The following EXOC8 variants were observed in gnomAD, a reference collection of about 807,000 sequenced individuals.
EXOC8 encodes exocyst complex component 8.
A neutral mutation model predicts 50.8 loss-of-function variants in EXOC8; 19 were observed. That is an observed-to-expected ratio of 0.37 (90% CI 0.26 to 0.55). EXOC8 has a LOEUF of 0.55. EXOC8 is among the 20% of genes least tolerant of loss of function. The pLI is 0.80. For missense variants in EXOC8, 781 were observed against 915.8 expected (o/e 0.85, Z 1.90); for synonymous variants, 384 against 367.9 (o/e 1.04, Z -0.50).
At position 231,337,140 on chromosome 1, in the gene EXOC8, C is replaced by T. The variant is rs2102855876; in HGVS notation, c.606G>A (p.Arg202=). The T allele has an allele frequency of 6.2e-7, 1 of 1,614,140 alleles. No homozygotes were observed. The highest frequency in any genetic ancestry group is 1.1e-5 in the South Asian group (1 of 91,086). ...AATCGTTCATGAGAAAGCCGTGCAC[C>T]CGCTGCAGTTGGGCCATGTGGTCCG... ...YDADHMAQLQ[R]VHGFLMNDCL... The change falls in exon 1 of 1, where the codon CGG becomes CGA. Residue 202 remains arginine, a synonymous_variant. Transcript: ENST00000366645. This position sits in a 1 kb window ranked among gnomAD's most constrained non-coding sequence, Gnocchi z 5.9.
Position 231,334,105 on chromosome 1 carries a change from C to T in EXOC8, c.*1463G>A, listed in dbSNP as rs1164018721. The T allele has an allele frequency of 6.6e-6, 1 of 152,102 alleles. No individual in the cohort carries two copies. Among genetic ancestry groups the T allele is most frequent in the Non-Finnish European group, 1.5e-5 (1 of 68,010 alleles). The allele number at this position is 152,102 out of a possible 1,614,324, so 9.4% of individuals were successfully genotyped here. A position where few individuals can be genotyped will look rare whatever the true frequency, so the allele number is the denominator to read the frequency against. ...ACATTTCTTTAGTTATTTTGTTTTA[C>T]TAAACAATTTGAAGTAAGCATTATA... On this transcript the variant is annotated 3_prime_UTR_variant, in exon 1 of 1. Coordinates refer to ENST00000366645, the MANE Select transcript of EXOC8 (RefSeq NM_175876.5).
At position 231,336,073 on chromosome 1, in the gene EXOC8, T is replaced by G. The variant is rs1686666842; in HGVS notation, c.1673A>C (p.Tyr558Ser). The G allele has an allele frequency of 1.9e-6, 3 of 1,614,242 alleles. No homozygotes were observed. The highest frequency in any genetic ancestry group is 2.5e-6 in the Non-Finnish European group (3 of 1,180,048). The change falls in exon 1 of 1, where the codon TAC becomes TCC. Residue 558 changes from tyrosine to serine, a missense_variant. Physicochemically the swap from Tyr to Ser is moderately radical, Grantham distance 144 (BLOSUM62 -2). Coordinates refer to ENST00000366645, the MANE Select transcript of EXOC8 (RefSeq NM_175876.5). This position sits in a 1 kb window ranked among gnomAD's most constrained non-coding sequence, Gnocchi z 5.4. ...VKDIQGALHS[Y>S]KEIIIEATKH... ...AGTGGCTTCAATGATGATTTCTTTG[T>G]AACTGTGCAAGGCCCCTTGGATGTC... is the stretch of plus-strand genomic sequence containing the variant.
rs1686628412 is a variant in EXOC8 at position 231,334,791 on chromosome 1, CAAGA to C, written c.*773_*776del. On this transcript the variant is annotated 3_prime_UTR_variant, in exon 1 of 1. Transcript: ENST00000366645. The stretch of plus-strand genomic sequence containing the variant: ...TCTGAATCCACAAACCAGCTAGTTT[CAAGA>C]AAGAATTCTTTTGACTAAAACTTAC... 1 of 152,182 alleles carries C rather than the reference CAAGA, an allele frequency of 6.6e-6. No homozygotes were observed. The highest frequency in any genetic ancestry group is 2.4e-5 in the African/African-American group (1 of 41,456). 9.4% of individuals were successfully genotyped at this position (152,182 alleles called of 1,614,324 possible).
In EXOC8 at chr1:231,337,849, G is replaced by A; in HGVS notation, c.-104C>T. The A allele has an allele frequency of 7.0e-7, 1 of 1,421,436 alleles. No individual in the cohort carries two copies. Among genetic ancestry groups the A allele is most frequent in the Non-Finnish European group, 9.4e-7 (1 of 1,058,660 alleles). The allele number at this position is 1,421,436 out of a possible 1,614,324, so 88.1% of individuals were successfully genotyped here. A position where few individuals can be genotyped will look rare whatever the true frequency, so the allele number is the denominator to read the frequency against. Reference sequence around the variant, plus strand: ...CCGAGCTCCTGGGCTGAGGAAGCAGGAATGGGAACGAGACGAGTACGCCTG... The same window carrying A: ...CCGAGCTCCTGGGCTGAGGAAGCAGAAATGGGAACGAGACGAGTACGCCTG... On this transcript the variant is annotated 5_prime_UTR_variant, in exon 1 of 1. Coordinates refer to ENST00000366645, the MANE Select transcript of EXOC8 (RefSeq NM_175876.5). The surrounding 1 kb of genome is among the most constrained non-coding windows in gnomAD (Gnocchi z 5.9).
At position 231,336,590 on chromosome 1, in the gene EXOC8, G is replaced by C. The variant is rs1558357694; in HGVS notation, c.1156C>G (p.Arg386Gly). The change falls in exon 1 of 1, where the codon CGA (arginine) becomes GGA (glycine). Residue 386 changes from arginine (R) to glycine (G), a missense_variant. Arg to Gly is a moderately radical substitution (Grantham distance 125). Around this residue, in one of 3 missense-constraint regions of EXOC8, gnomAD observed 700 missense variants for 804.1 expected, o/e 0.87. Transcript: ENST00000366645. This position sits in a 1 kb window ranked among gnomAD's most constrained non-coding sequence, Gnocchi z 5.4. ...AGCACCTCAGTGAGCTGTCGAACTC[G>C]CTCCTCCACTTTGGCCCTTAGTTCT... ...VKELRAKVEERVRQLTEVLVF... is the reference protein window; with the variant it reads ...VKELRAKVEEGVRQLTEVLVF... 6.2e-7 allele frequency: 1 copy of C among 1,614,130 alleles called. No individual in the cohort carries two copies. The highest frequency in any genetic ancestry group is 2.2e-5 in the East Asian group (1 of 44,890).
rs187751826 is a variant in EXOC8 at position 231,335,400 on chromosome 1, C to G, written c.*168G>C. On this transcript the variant is annotated 3_prime_UTR_variant, in exon 1 of 1. Transcript: ENST00000366645. Reference sequence around the variant, plus strand: ...AATTCCAGTATTTTTGTTACTTGGGCTTAATTTAACTTATTTTCCTCTTTT... The same window carrying G: ...AATTCCAGTATTTTTGTTACTTGGGGTTAATTTAACTTATTTTCCTCTTTT... 9.7e-3 allele frequency: 5,385 copies of G among 557,082 alleles called. 36 individuals carry two copies. Among genetic ancestry groups the G allele is most frequent in the Non-Finnish European group, 0.013 (4,765 of 365,450 alleles). The allele number at this position is 557,082 out of a possible 1,614,324, so 34.5% of individuals were successfully genotyped here. A position where few individuals can be genotyped will look rare whatever the true frequency, so the allele number is the denominator to read the frequency against.
In EXOC8 at chr1:231,333,175, T is replaced by C. The variant is rs1283823689; in HGVS notation, c.*2393A>G. 1.2e-4 allele frequency: 19 copies of C among 152,218 alleles called. No individual in the cohort carries two copies. The highest frequency in any genetic ancestry group is 1.2e-3 in the Admixed American group (19 of 15,272). 9.4% of individuals were successfully genotyped at this position (152,218 alleles called of 1,614,324 possible). On this transcript the variant is annotated 3_prime_UTR_variant, in exon 1 of 1. Coordinates refer to ENST00000366645, the MANE Select transcript of EXOC8 (RefSeq NM_175876.5). ...CTGGACAATCTCTCATTGCATTCAATTTTTAGAACTTGTCTTGGGTCTAAT... is the reference window on the plus strand; with the variant it reads ...CTGGACAATCTCTCATTGCATTCAACTTTTAGAACTTGTCTTGGGTCTAAT...
In EXOC8 at chr1:231,336,417, A is replaced by G. The variant is rs779083799; in HGVS notation, c.1329T>C (p.Ile443=). 1.2e-6 allele frequency: 2 copies of G among 1,614,064 alleles called. No homozygotes were observed. The highest frequency in any genetic ancestry group is 2.2e-5 in the South Asian group (2 of 91,086). Residue 443 remains isoleucine, a synonymous_variant, in exon 1 of 1, where the codon ATT becomes ATC. Transcript: ENST00000366645. The surrounding 1 kb of genome is among the most constrained non-coding windows in gnomAD (Gnocchi z 5.4). The part of the protein sequence containing the change: ...RNRAAAVHTA[I]RQLRIEGATL... ...TGGCACCTTCGATGCGAAGCTGACG[A>G]ATTGCAGTATGAACAGCGGCTGCCC...
In EXOC8 at chr1:231,337,304, G is replaced by A. The variant is rs748326509; in HGVS notation, c.442C>T (p.Arg148Cys). The A allele has an allele frequency of 1.2e-5, 19 of 1,603,792 alleles. No individual in the cohort carries two copies. In the Admixed American group the frequency reaches 1.5e-4, roughly 13 times the overall value. The stretch of plus-strand genomic sequence containing the variant: ...TCCTCGCCTGGACCGGAGCCGTCGC[G>A]GGAGGCACCCCCGGGGGTGGAGAAA... ...GFFSTPGGAS[R>C]DGSGPGEEGK... The change falls in exon 1 of 1, where the codon CGC (arginine) becomes TGC (cysteine). Residue 148 changes from arginine (R) to cysteine (C), a missense_variant. Arg to Cys is a radical substitution (Grantham distance 180). Coordinates refer to ENST00000366645, the MANE Select transcript of EXOC8 (RefSeq NM_175876.5). The surrounding 1 kb of genome is among the most constrained non-coding windows in gnomAD (Gnocchi z 5.9).
In EXOC8 at chr1:231,336,870, C is replaced by T; in HGVS notation, c.876G>A (p.Gln292=). The T allele has an allele frequency of 6.2e-7, 1 of 1,614,174 alleles. No homozygotes were observed. Among genetic ancestry groups the T allele is most frequent in the African/African-American group, 1.3e-5 (1 of 75,042 alleles). The change falls in exon 1 of 1, where the codon CAG becomes CAA. Residue 292 remains glutamine, a synonymous_variant. Transcript: ENST00000366645. This position sits in a 1 kb window ranked among gnomAD's most constrained non-coding sequence, Gnocchi z 5.4. ...RALSEKRRRE[Q]EEAAAPRGPP... Reference sequence around the variant, plus strand: ...GCCCTCGAGGGGCCGCTGCCTCCTCCTGCTCCCTTCGCCTTTTCTCACTGA... The same window carrying T: ...GCCCTCGAGGGGCCGCTGCCTCCTCTTGCTCCCTTCGCCTTTTCTCACTGA...
Position 231,337,167 on chromosome 1 carries a change from A to C in EXOC8, c.579T>G (p.Asp193Glu). The C allele has an allele frequency of 1.9e-6, 3 of 1,614,140 alleles. No individual in the cohort carries two copies. Among genetic ancestry groups the C allele is most frequent in the East Asian group, 2.2e-5 (1 of 44,876 alleles). The part of the protein sequence containing the change: ...LVYNGDLVEY[D>E]ADHMAQLQRV... ...GCTGCAGTTGGGCCATGTGGTCCGC[A>C]TCGTATTCCACTAGGTCCCCATTGT... Residue 193 changes from aspartate to glutamate, a missense_variant, in exon 1 of 1, where the codon GAT becomes GAG. Around this residue, in one of 3 missense-constraint regions of EXOC8, gnomAD observed 700 missense variants for 804.1 expected, o/e 0.87. Transcript: ENST00000366645. This position sits in a 1 kb window ranked among gnomAD's most constrained non-coding sequence, Gnocchi z 5.9.
rs1392999402 is a variant in EXOC8, at chr1:231,335,924, C to T, written c.1822G>A (p.Asp608Asn). The change falls in exon 1 of 1, where the codon GAC (aspartate) becomes AAC (asparagine). Residue 608 changes from aspartate (D) to asparagine (N), a missense_variant. By Grantham distance (23) the Asp-to-Asn change is conservative (BLOSUM62 1). Around this residue, in one of 3 missense-constraint regions of EXOC8, gnomAD observed 700 missense variants for 804.1 expected, o/e 0.87. Transcript: ENST00000366645. ...VSNFEQYTGD[D>N]CWVNLSYTVV... ...GTGTAACTTAGGTTCACCCAGCAGT[C>T]ATCCCCTGTGTACTGCTCAAAGTTA... The T allele has an allele frequency of 1.2e-6, 2 of 1,614,094 alleles. No homozygotes were observed. The highest frequency in any genetic ancestry group is 1.7e-6 in the Non-Finnish European group (2 of 1,180,044).
Position 231,337,764 on chromosome 1 carries a change from C to A in EXOC8, c.-19G>T. 1 of 1,564,462 alleles carries A rather than the reference C, an allele frequency of 6.4e-7. No homozygotes were observed. The highest frequency in any genetic ancestry group is 8.6e-7 in the Non-Finnish European group (1 of 1,156,770). On this transcript the variant is annotated 5_prime_UTR_variant, in exon 1 of 1. Transcript: ENST00000366645. The surrounding 1 kb of genome is among the most constrained non-coding windows in gnomAD (Gnocchi z 5.9). ...TCGCCATTTCTCTCCGGGTCTCACG[C>A]ACTCACTGTCACTATCGGCGCCGCA...
rs372243904 is a variant in EXOC8 at position 231,335,856 on chromosome 1, C to T, written c.1890G>A (p.Glu630=). 14 of 1,614,162 alleles carry T rather than the reference C, an allele frequency of 8.7e-6. No homozygotes were observed. Among genetic ancestry groups the T allele is most frequent in the Non-Finnish European group, 1.1e-5 (13 of 1,180,034 alleles). The change falls in exon 1 of 1, where the codon GAG becomes GAA. Residue 630 remains glutamate, a synonymous_variant. Coordinates refer to ENST00000366645, the MANE Select transcript of EXOC8 (RefSeq NM_175876.5). ...GCTCTGGGAAATACAGCTTCAGGGC[C>T]TCTTCCAAGAAGCCCATGGTCTGTT... ...FTKQTMGFLE[E]ALKLYFPELH... is the part of the protein sequence containing the mutation.
chr1:231,335,507 AAATATAAATAATAT>A lies in EXOC8; in HGVS notation c.*47_*60del. On this transcript the variant is annotated 3_prime_UTR_variant, in exon 1 of 1. Coordinates refer to ENST00000366645, the MANE Select transcript of EXOC8 (RefSeq NM_175876.5). ...AGAGTATGCTAATACAACTTAATAT[AAATATAAATAATAT>A]ATAAGCTCTCTCTCTGCATATATAC... The A allele has an allele frequency of 7.5e-7, 1 of 1,325,394 alleles. No homozygotes were observed. Among genetic ancestry groups the A allele is most frequent in the Non-Finnish European group, 9.8e-7 (1 of 1,023,944 alleles). 82.1% of individuals were successfully genotyped at this position (1,325,394 alleles called of 1,614,324 possible).
rs1277186162 is a variant in EXOC8 at position 231,333,394 on chromosome 1, G to A, written c.*2174C>T. ...ACAGATTTTACCTGAAGAAAATCCTGTACTTCCAGTTTTAAAAAGCAGACA... is the reference window on the plus strand; with the variant it reads ...ACAGATTTTACCTGAAGAAAATCCTATACTTCCAGTTTTAAAAAGCAGACA... On this transcript the variant is annotated 3_prime_UTR_variant, in exon 1 of 1. Coordinates refer to ENST00000366645, the MANE Select transcript of EXOC8 (RefSeq NM_175876.5). 6.6e-6 allele frequency: 1 copy of A among 152,300 alleles called. No individual in the cohort carries two copies. The highest frequency in any genetic ancestry group is 1.9e-4 in the East Asian group (1 of 5,198). The allele number at this position is 152,300 out of a possible 1,614,324, so 9.4% of individuals were successfully genotyped here.
chr1:231,336,828 G>A lies in EXOC8; in HGVS notation c.918C>T (p.Ser306=), dbSNP rs1558357939. The A allele has an allele frequency of 6.2e-7, 1 of 1,614,124 alleles. No individual in the cohort carries two copies. ...CATCCTCAAATGGGTTAGTGGCCTT[G>A]GAAGTCACTTGGGGTGGCCCTCGAG... ...AAPRGPPQVT[S]KATNPFEDDE... Residue 306 remains serine (S), a synonymous_variant, in exon 1 of 1, where the codon TCC becomes TCT. Transcript: ENST00000366645. This position sits in a 1 kb window ranked among gnomAD's most constrained non-coding sequence, Gnocchi z 5.4.
chr1:231,336,626 G>A lies in EXOC8; in HGVS notation c.1120C>T (p.Pro374Ser), dbSNP rs967491162. 1 of 1,614,160 alleles carries A rather than the reference G, an allele frequency of 6.2e-7. No homozygotes were observed. Among genetic ancestry groups the A allele is most frequent in the Non-Finnish European group, 8.5e-7 (1 of 1,180,042 alleles). The change falls in exon 1 of 1, where the codon CCT becomes TCT. Residue 374 changes from proline (P) to serine (S), a missense_variant. Transcript: ENST00000366645. This position sits in a 1 kb window ranked among gnomAD's most constrained non-coding sequence, Gnocchi z 5.4. ...TTGGCCCTTAGTTCTTTTACAGGAG[G>A]TGGGCTAGGTTTATCTTCCAGGTAA... ...NHYLEDKPSP[P>S]PVKELRAKVE...
rs531364106 is a variant in EXOC8 at position 231,337,697 on chromosome 1, G to A, written c.49C>T (p.Leu17=). 1.9e-6 allele frequency: 3 copies of A among 1,606,438 alleles called. No homozygotes were observed. Among genetic ancestry groups the A allele is most frequent in the Non-Finnish European group, 1.7e-6 (2 of 1,178,220 alleles). The change falls in exon 1 of 1, where the codon CTG becomes TTG. Residue 17 remains leucine (L), a synonymous_variant. Transcript: ENST00000366645. This position sits in a 1 kb window ranked among gnomAD's most constrained non-coding sequence, Gnocchi z 5.9. The part of the protein sequence containing the change: ...DSGASRLRRQ[L]ESGGFEARLY... ...CGCGCCTCAAAACCCCCTGACTCCA[G>A]CTGCCGACGCAGGCGGCTCGCCCCA... is the stretch of plus-strand genomic sequence containing the variant.
Sources: allele counts gnomAD v4.1 joint callset, GRCh38; gene constraint gnomAD v4.1.1; regional missense constraint gnomAD v4.1.1; non-coding constraint Gnocchi (gnomAD v3.1); transcripts MANE v1.5; gene names NCBI Gene and HGNC (gene_info 2026-07-23, HGNC 2026-07-21).